Variants in CLINT1 observed in about 807,000 individuals in gnomAD.
CLINT1 encodes clathrin interactor 1.
In CLINT1, 15 loss-of-function variants were observed where a neutral mutation model predicts 70.4. The ratio of observed to expected loss-of-function variants is 0.21; its 90% CI spans 0.14 to 0.33. CLINT1 has a LOEUF of 0.33. Ranked by LOEUF, CLINT1 falls within the 10% of genes least tolerant of loss-of-function variation. CLINT1 has a pLI of 1.00. For missense variants in CLINT1, 615 were observed against 778.1 expected (o/e 0.79, Z 2.49); for synonymous variants, 227 against 254.7 (o/e 0.89, Z 1.04).
intron 1 of CLINT1, among the ~76,000 whole-genome samples, chr5:157,833,101 G>A (rs566046925): frequency 5.9e-5 from 9 of 152,146 alleles, no homozygotes; most frequent in Non-Finnish European, 1.3e-4. Context: ...CTGTAATTCC[G>A]GCACTGGGGC....
chr5:157,829,669 G>A (rs1310773871), intron 1 of CLINT1, among the ~76,000 whole-genome samples: 2 of 149,212 alleles, frequency 1.3e-5, no homozygotes, highest in East Asian at 3.9e-4. Context: ...GACTATAGGT[G>A]CACGCCACCA....
rs1761729918 is a variant in CLINT1, at chr5:157,786,484, GA to G, written c.*1161del. The G allele has an allele frequency of 6.6e-6, 1 of 152,390 alleles. No homozygotes were observed. Among genetic ancestry groups the G allele is most frequent in the Non-Finnish European group, 1.5e-5 (1 of 67,974 alleles). 9.4% of individuals were successfully genotyped at this position (152,390 alleles called of 1,614,324 possible). A position where few individuals can be genotyped will look rare whatever the true frequency, so the allele number is the denominator to read the frequency against. On this transcript the variant is annotated 3_prime_UTR_variant, in exon 12 of 12. Transcript: ENST00000411809. Reference sequence around the variant, plus strand: ...AATTAATTTTGCATTCCAAACTCTAGAATCATGATTTTCATGTGAGCTTAAT... The same window carrying G: ...AATTAATTTTGCATTCCAAACTCTAGATCATGATTTTCATGTGAGCTTAAT...
chr5:157,857,224 CAAAAA>C (rs34211902), intron 1 of CLINT1, among the ~76,000 whole-genome samples: 1 of 120,700 alleles, frequency 8.3e-6, no homozygotes. Context: ...GAGACCCCAT[CAAAAA>C]AAAAAAAAAA....
At chr5:157,833,897 G>A (rs1410398305) in intron 1 of CLINT1, among the ~76,000 whole-genome samples, 2 of 151,660 alleles carry the variant, frequency 1.3e-5, no homozygotes, top group Non-Finnish European at 2.9e-5. Flanking sequence ...GGCCGTGATC[G>A]TGCCACTGCA....
At chr5:157,796,877 C>T (rs1005252494) in intron 8 of CLINT1, among the ~76,000 whole-genome samples, 2 of 149,676 alleles carry the variant, frequency 1.3e-5, no homozygotes, top group Non-Finnish European at 3.0e-5. Flanking sequence ...GATGCACATG[C>T]TCATACATAC....
At chr5:157,839,641 C>T (rs1763554361) in intron 1 of CLINT1, among the ~76,000 whole-genome samples, 1 of 150,800 alleles carries the variant, frequency 6.6e-6, no homozygotes. Context: ...AAAAACAGAA[C>T]TTTGTCCCAT....
intron 1 of CLINT1, among the ~76,000 whole-genome samples, chr5:157,845,359 T>C (rs886211148): frequency 1.3e-5 from 2 of 151,420 alleles, no homozygotes; most frequent in Non-Finnish European, 1.5e-5. Context: ...AAAATAATAA[T>C]AATAAAATAA....
At chr5:157,816,472 T>C (rs895572939) in intron 3 of CLINT1, among the ~76,000 whole-genome samples, 3 of 152,164 alleles carry the variant, frequency 2.0e-5, no homozygotes, top group African/African-American at 7.2e-5. Flanking sequence ...TTCATTATTT[T>C]TGATATGCAC....
At chr5:157,809,097 A>G (rs1418750385) in intron 6 of CLINT1, 2 of 152,192 alleles carry the variant, frequency 1.3e-5, no homozygotes, top group African/African-American at 4.8e-5. Context: ...ATAGTTGCAC[A>G]GTGCTTGCTT....
intron 10 of CLINT1, 98 bp from the exon 11 acceptor site, chr5:157,789,611 TA>T: frequency 6.6e-7 from 1 of 1,524,468 alleles, no homozygotes; most frequent in South Asian, 1.1e-5. Flanking sequence ...ATCTGTTCTA[TA>T]AAAATTATCA....
intron 8 of CLINT1, among the ~76,000 whole-genome samples, chr5:157,796,381 T>C (rs992845523): frequency 6.6e-6 from 1 of 152,240 alleles, no homozygotes; most frequent in Non-Finnish European, 1.5e-5. Flanking sequence ...TATTCCTTTT[T>C]TTCTCAACTT....
intron 1 of CLINT1, among the ~76,000 whole-genome samples, chr5:157,847,218 T>C (rs1753413070): frequency 6.6e-6 from 1 of 152,156 alleles, no homozygotes; most frequent in African/African-American, 2.4e-5. Context: ...CCATTAAGAA[T>C]ATTAGTGGCT....
At chr5:157,835,889 C>T (rs1448481943) in intron 1 of CLINT1, among the ~76,000 whole-genome samples, 2 of 152,170 alleles carry the variant, frequency 1.3e-5, no homozygotes, top group East Asian at 3.8e-4. Flanking sequence ...TAAATGAAAT[C>T]TAAAGTTAAA....
rs748730282 is a variant in CLINT1, at chr5:157,787,912, G to C, written c.1612C>G (p.Arg538Gly). ...CCTATCAAAGCATTAGTTTGGGGCCGGACAGGAAGCATGTTCGATGGAGAA... is the reference window on the plus strand; with the variant it reads ...CCTATCAAAGCATTAGTTTGGGGCCCGACAGGAAGCATGTTCGATGGAGAA... ...LSSPSNMLPV[R>G]PQTNALIGGP... The change falls in exon 12 of 12, where the codon CGG (arginine) becomes GGG (glycine). Residue 538 changes from arginine (R) to glycine (G), a missense_variant. By Grantham distance (125) the Arg-to-Gly change is moderately radical. Around this residue, in one of 2 missense-constraint regions of CLINT1, gnomAD observed 374 missense variants for 409.6 expected, o/e 0.91. Transcript: ENST00000411809. 6.2e-7 allele frequency: 1 copy of C among 1,613,280 alleles called. No individual in the cohort carries two copies. The highest frequency in any genetic ancestry group is 8.5e-7 in the Non-Finnish European group (1 of 1,179,568).
intron 1 of CLINT1, among the ~76,000 whole-genome samples, chr5:157,817,832 A>AAAAAAC (rs1762767827): frequency 2.0e-5 from 3 of 152,238 alleles, no homozygotes; most frequent in South Asian, 4.1e-4. Context: ...GTCAAATTAA[A>AAAAAAC]AAAAACAAAA....
chr5:157,829,689 ATTTTTTT>A (rs3075709), intron 1 of CLINT1, among the ~76,000 whole-genome samples: 145 of 109,154 alleles, frequency 1.3e-3, no homozygotes, highest in African/African-American at 1.3e-3. Context: ...ACACCCAGCT[ATTTTTTT>A]TTTTTTTTTT....
chr5:157,813,283 G>A (rs1762615860), intron 4 of CLINT1, 56 bp from the exon 5 acceptor site: 8 of 1,448,364 alleles, frequency 5.5e-6, no homozygotes, highest in Non-Finnish European at 1.8e-6. Context: ...TATGTATCAA[G>A]CTCTTTAAGA....
chr5:157,790,062 T>C (rs538302197), intron 10 of CLINT1: 1 of 166,184 alleles, frequency 6.0e-6, no homozygotes, highest in Admixed American at 5.7e-5. Context: ...CAGCCAGGCA[T>C]GGTGGCACAT....
intron 8 of CLINT1, among the ~76,000 whole-genome samples, chr5:157,801,053 C>T (rs1762199589): frequency 6.6e-6 from 1 of 152,232 alleles, no homozygotes; most frequent in Non-Finnish European, 1.5e-5. Flanking sequence ...GTTAATTCTA[C>T]AGTTCAAATC....
Sources: gnomAD v4.1 joint callset for allele counts (sites outside exome capture counted in the v4.1 genomes callset) on GRCh38, gnomAD v4.1.1 for gene constraint, gnomAD v4.1.1 regional missense constraint, MANE v1.5 for transcripts, NCBI Gene and HGNC (gene_info 2026-07-23, HGNC 2026-07-21) for gene names.